The following LRIT3 variants were observed in gnomAD, a reference collection of about 807,000 sequenced individuals.
The protein encoded by LRIT3 is leucine rich repeat, Ig-like and transmembrane domains 3.
LRIT3 carries 14 observed loss-of-function variants against 22.6 expected under a neutral mutation model. The observed-to-expected ratio is 0.62, with a 90% CI of 0.41 to 0.97. The LOEUF (loss-of-function observed/expected upper bound fraction) is 0.97. Among genes scored for constraint, LRIT3 ranks in the 50% least tolerant of loss-of-function variants. The pLI is 0.00. For missense variants in LRIT3, 783 were observed against 803.0 expected (o/e 0.98, Z 0.30); for synonymous variants, 306 against 304.5 (o/e 1.01, Z -0.05).
intron 2 of LRIT3, among the ~76,000 whole-genome samples, chr4:109,858,883 T>G (rs1330436191): frequency 6.6e-6 from 1 of 152,210 alleles, no homozygotes; most frequent in Non-Finnish European, 1.5e-5. Flanking sequence ...AAAGCTTTAC[T>G]GCAATAGGCT....
At chr4:109,852,619 A>T (rs986781082) in intron 2 of LRIT3, among the ~76,000 whole-genome samples, 50 of 152,030 alleles carry the variant, frequency 3.3e-4, no homozygotes, top group Admixed American at 5.9e-4. Context: ...TATTATTATT[A>T]TACTTTATGT....
At chr4:109,859,504 G>T (rs981107172) in intron 2 of LRIT3, among the ~76,000 whole-genome samples, 1 of 152,164 alleles carries the variant, frequency 6.6e-6, no homozygotes, top group African/African-American at 2.4e-5. Context: ...GCAAAAGCTG[G>T]TTACAAACAA....
intron 2 of LRIT3, among the ~76,000 whole-genome samples, chr4:109,866,095 C>A (rs1426401883): frequency 6.6e-6 from 1 of 151,906 alleles, no homozygotes; most frequent in Non-Finnish European, 1.5e-5. Context: ...CCAATCCTGG[C>A]AGAAAAATAC....
intron 2 of LRIT3, 35 bp from the exon 3 acceptor site, chr4:109,867,606 T>G: frequency 6.3e-7 from 1 of 1,587,036 alleles, no homozygotes; most frequent in African/African-American, 1.3e-5. Context: ...GTCATCAGAA[T>G]AATCTTTGTC....
intron 2 of LRIT3, among the ~76,000 whole-genome samples, chr4:109,853,154 C>A (rs1734314506): frequency 6.6e-6 from 1 of 152,158 alleles, no homozygotes; most frequent in South Asian, 2.1e-4. Context: ...TGAGGAATTG[C>A]CACACTGTCT....
chr4:109,848,404 T>C (rs1734129505), intron 1 of LRIT3, 87 bp downstream of exon 1: 1 of 657,802 alleles, frequency 1.5e-6, no homozygotes, highest in Non-Finnish European at 2.2e-6. Context: ...AAGCAAATGT[T>C]TGGGGATCAG....
rs145776307 is a variant in LRIT3 at position 109,870,498 on chromosome 4, CCTT to C, written c.1752_1754del (p.Leu585del). On this transcript the variant is annotated inframe_deletion, in exon 4 of 4. Transcript: ENST00000594814. ...AAGGAGATGATTCTCAATGGTCTCT[CCTT>C]CTCGTGGTGACCAGTACTGCCTGTG... 6.1e-3 allele frequency: 9,773 copies of C among 1,614,220 alleles called. 44 individuals carry two copies. The highest frequency in any genetic ancestry group is 7.2e-3 in the Non-Finnish European group (8,482 of 1,180,040).
chr4:109,848,604 A>T (rs1209003254), intron 1 of LRIT3, among the ~76,000 whole-genome samples: 1 of 152,144 alleles, frequency 6.6e-6, no homozygotes, highest in East Asian at 1.9e-4. Flanking sequence ...TTGTTGCTTG[A>T]GATCAAACGA....
At chr4:109,853,603 C>G (rs931125794) in intron 2 of LRIT3, among the ~76,000 whole-genome samples, 1 of 152,112 alleles carries the variant, frequency 6.6e-6, no homozygotes, top group Admixed American at 6.6e-5. Context: ...TTAATTAGAT[C>G]CCATTTGTCA....
At chr4:109,851,258 AG>A (rs1290581494) in intron 1 of LRIT3, 8 of 483,714 alleles carry the variant, frequency 1.7e-5, no homozygotes, top group Non-Finnish European at 2.9e-5. Context: ...CATCCATAAC[AG>A]TGCCATATGG....
intron 2 of LRIT3, among the ~76,000 whole-genome samples, chr4:109,856,560 C>T (rs1037683168): frequency 6.6e-6 from 1 of 152,148 alleles, no homozygotes; most frequent in Non-Finnish European, 1.5e-5. Flanking sequence ...TTTCTTTTAG[C>T]TTGCTTATGT....
At chr4:109,861,104 C>T (rs1006483912) in intron 2 of LRIT3, among the ~76,000 whole-genome samples, 1 of 152,148 alleles carries the variant, frequency 6.6e-6, no homozygotes, top group Non-Finnish European at 1.5e-5. Flanking sequence ...GGCCATGGCT[C>T]ACTCCTGTAA....
chr4:109,849,842 A>G (rs1016582458), intron 1 of LRIT3, among the ~76,000 whole-genome samples: 3 of 152,100 alleles, frequency 2.0e-5, no homozygotes, highest in African/African-American at 7.2e-5. Context: ...CAAACTCCTG[A>G]CCTCAGGTAA....
rs1318529895 is a variant in LRIT3 at position 109,871,814 on chromosome 4, A to C, written c.*1025A>C. ...ATTCATTTGGTTAGATTCTTTTCCT[A>C]GGTTAAAAACATCGGGGAACTTAAA... On this transcript the variant is annotated 3_prime_UTR_variant, in exon 4 of 4. Transcript: ENST00000594814. 1 of 152,236 alleles carries C rather than the reference A, an allele frequency of 6.6e-6. No individual in the cohort carries two copies. The highest frequency in any genetic ancestry group is 1.5e-5 in the Non-Finnish European group (1 of 68,034). 9.4% of individuals were successfully genotyped at this position (152,236 alleles called of 1,614,324 possible).
intron 2 of LRIT3, chr4:109,865,115 A>G: frequency 7.0e-7 from 1 of 1,419,390 alleles, no homozygotes; most frequent in Non-Finnish European, 9.3e-7. Context: ...TTTTTATTTT[A>G]TAGGCTGATA....
At position 109,869,675 on chromosome 4, in the gene LRIT3, G is replaced by T; in HGVS notation, c.926G>T (p.Arg309Ile). ...CAAGAATCTCCAGAGGAAGGAGTCA[G>T]ATGGTCCATAATGAGCTTGACAGGC... ...VIQESPEEGV[R>I]WSIMSLTGIS... Residue 309 changes from arginine to isoleucine, a missense_variant, in exon 4 of 4, where the codon AGA becomes ATA. Physicochemically the swap from Arg to Ile is moderately conservative, Grantham distance 97 (BLOSUM62 -3). Coordinates refer to ENST00000594814, the MANE Select transcript of LRIT3 (RefSeq NM_198506.5). The T allele has an allele frequency of 6.4e-7, 1 of 1,566,928 alleles. No homozygotes were observed. Among genetic ancestry groups the T allele is most frequent in the Middle Eastern group, 1.7e-4 (1 of 5,820 alleles).
chr4:109,851,069 T>C (rs1287723630), intron 1 of LRIT3, among the ~76,000 whole-genome samples: 1 of 152,150 alleles, frequency 6.6e-6, no homozygotes, highest in Non-Finnish European at 1.5e-5. Context: ...TGGACAGAAG[T>C]GGTTTTGAAA....
In LRIT3 at chr4:109,857,731, C is replaced by T. The variant is rs560825333; in HGVS notation, c.589+5755C>T. 1.5e-4 allele frequency among the ~76,000 whole-genome samples: 23 copies of T among 152,098 alleles called. No individual in the cohort carries two copies. The South Asian group carries it at 4.0e-3, about 26-fold the overall frequency. On this transcript the variant is annotated intron_variant, in intron 2 of 3. Transcript: ENST00000594814. Reference sequence around the variant, plus strand: ...TTGAGAGCAATCATTAGTAATATGACCTTTAGGAGCCCAGTCAACAATGGT... The same window carrying T: ...TTGAGAGCAATCATTAGTAATATGATCTTTAGGAGCCCAGTCAACAATGGT...
intron 2 of LRIT3, among the ~76,000 whole-genome samples, chr4:109,860,983 G>A (rs2125899488): frequency 6.6e-6 from 1 of 152,326 alleles, no homozygotes; most frequent in Non-Finnish European, 1.5e-5. Context: ...AAATTAAGCT[G>A]CAATTAACAT....
Sources: allele counts gnomAD v4.1 joint callset (sites outside exome capture counted in the v4.1 genomes callset), GRCh38; gene constraint gnomAD v4.1.1; transcripts MANE v1.5; gene names NCBI Gene and HGNC (gene_info 2026-07-23, HGNC 2026-07-21).